Variants in ICA1 observed in about 807,000 individuals in gnomAD.
ICA1 encodes the protein 69 kDa islet cell autoantigen.
Under a neutral mutation model 71.0 loss-of-function variants are expected in ICA1, and 40 were observed. The ratio of observed to expected loss-of-function variants is 0.56; its 90% CI spans 0.44 to 0.73. The LOEUF (loss-of-function observed/expected upper bound fraction) is 0.73, where lower values mean the gene tolerates loss of function less well. Among genes scored for constraint, ICA1 ranks in the 30% least tolerant of loss-of-function variants. ICA1 has a pLI of 0.00. For synonymous variants in ICA1, 207 were observed against 209.5 expected (o/e 0.99, Z 0.10); for missense variants, 578 against 576.5 (o/e 1.00, Z -0.03).
chr7:8,114,987 G>A (rs545352723), intron 13 of ICA1: 1 of 152,264 alleles, frequency 6.6e-6, no homozygotes, highest in African/African-American at 2.4e-5. Context: ...AGGAAGTGTT[G>A]GTAGGACAAG....
intron 13 of ICA1, among the ~76,000 whole-genome samples, chr7:8,120,300 A>G (rs1318158852): frequency 6.6e-6 from 1 of 152,236 alleles, no homozygotes. Flanking sequence ...TAGTATGTCT[A>G]TGACACCGAC....
chr7:8,189,096 C>G (rs991356254), intron 6 of ICA1, among the ~76,000 whole-genome samples: 25 of 152,150 alleles, frequency 1.6e-4, no homozygotes, highest in Admixed American at 8.5e-4. Flanking sequence ...GAACCCAGTG[C>G]CCATTGCAAT....
intron 3 of ICA1, among the ~76,000 whole-genome samples, chr7:8,232,070 T>C (rs11976146): frequency 0.16 from 24,110 of 152,156 alleles, 4,131 homozygotes; most frequent in African/African-American, 0.43. Context: ...GGGAGTTAGT[T>C]AGTGGGCCTT....
intron 6 of ICA1, among the ~76,000 whole-genome samples, chr7:8,182,852 A>G (rs1022541954): frequency 3.3e-5 from 5 of 152,200 alleles, no homozygotes; most frequent in Non-Finnish European, 7.3e-5. Context: ...TAAGGTTGGC[A>G]GTGTAAATGA....
rs1294622800 is a variant in ICA1, at chr7:8,173,841, G to A, written c.580-15189C>T. 6.6e-6 allele frequency among the ~76,000 whole-genome samples: 1 copy of A among 151,888 alleles called. No individual in the cohort carries two copies. Among genetic ancestry groups the A allele is most frequent in the African/African-American group, 2.4e-5 (1 of 41,340 alleles). Reference sequence around the variant, plus strand: ...ATATAATTGAACACCTATAGCTCTCGGTGCTGGAGATAAGCAGAGAATAAA... The same window carrying A: ...ATATAATTGAACACCTATAGCTCTCAGTGCTGGAGATAAGCAGAGAATAAA... On this transcript the variant is annotated intron_variant, in intron 6 of 13. Coordinates refer to ENST00000402384, the MANE Select transcript of ICA1 (RefSeq NM_001136020.3). The surrounding 1 kb of genome is among the most constrained non-coding windows in gnomAD (Gnocchi z 4.0).
chr7:8,184,867 G>C (rs1018493364), intron 6 of ICA1, among the ~76,000 whole-genome samples: 1 of 152,158 alleles, frequency 6.6e-6, no homozygotes, highest in East Asian at 1.9e-4. Flanking sequence ...TTGAGGTCAG[G>C]AGTTTGAGAC....
chr7:8,228,125 CAG>C (rs1197283279), intron 4 of ICA1, among the ~76,000 whole-genome samples: 2 of 152,080 alleles, frequency 1.3e-5, no homozygotes, highest in Non-Finnish European at 2.9e-5. Context: ...GCTTTTAAAA[CAG>C]TGTGACTATA....
chr7:8,201,674 TG>T (rs1365979669), intron 6 of ICA1, among the ~76,000 whole-genome samples: 5 of 152,310 alleles, frequency 3.3e-5, no homozygotes, highest in Middle Eastern at 3.4e-3. Flanking sequence ...CATAAGCTTT[TG>T]TGGTATGGAG....
intron 6 of ICA1, among the ~76,000 whole-genome samples, chr7:8,198,538 T>C (rs1334897037): frequency 6.6e-6 from 1 of 152,158 alleles, no homozygotes; most frequent in African/African-American, 2.4e-5. Context: ...TCAGTCACAC[T>C]GGGGTATGTG....
intron 6 of ICA1, among the ~76,000 whole-genome samples, chr7:8,178,458 A>T (rs1781246540): frequency 6.6e-6 from 1 of 152,206 alleles, no homozygotes; most frequent in African/African-American, 2.4e-5. Flanking sequence ...AGGTGCTAAA[A>T]ATGCTAGTCA....
intron 9 of ICA1, 53 bp downstream of exon 9, chr7:8,143,822 A>G (rs1038490938): frequency 5.0e-6 from 6 of 1,192,110 alleles, no homozygotes; most frequent in Middle Eastern, 1.9e-4. Context: ...CGAGAACCAC[A>G]TAACTCTCAC....
intron 1 of ICA1, among the ~76,000 whole-genome samples, chr7:8,249,433 C>G (rs1216818283): frequency 1.3e-5 from 2 of 152,186 alleles, no homozygotes; most frequent in Non-Finnish European, 2.9e-5. Context: ...AGGGGCCAGC[C>G]TCTGAAGCAC....
At chr7:8,129,353 T>C (rs751080394) in intron 12 of ICA1, among the ~76,000 whole-genome samples, 1 of 151,782 alleles carries the variant, frequency 6.6e-6, no homozygotes, top group Non-Finnish European at 1.5e-5. Context: ...TATAAGATAA[T>C]TAGTAAGTAA....
At chr7:8,194,744 G>A (rs1184030182) in intron 6 of ICA1, among the ~76,000 whole-genome samples, 1 of 152,084 alleles carries the variant, frequency 6.6e-6, no homozygotes, top group East Asian at 1.9e-4. Flanking sequence ...AAAATATTGG[G>A]CTATTGTCGT....
chr7:8,232,336 A>T (rs918321022), intron 3 of ICA1, among the ~76,000 whole-genome samples: 1 of 152,208 alleles, frequency 6.6e-6, no homozygotes, highest in Non-Finnish European at 1.5e-5. Context: ...TCCTTTTCCC[A>T]AGAAACGCTT....
chr7:8,136,787 G>T (rs1414536936), intron 12 of ICA1, among the ~76,000 whole-genome samples: 2 of 152,172 alleles, frequency 1.3e-5, no homozygotes, highest in South Asian at 4.1e-4. Flanking sequence ...CTCAAAAAAG[G>T]GGGTATGGAC....
At chr7:8,175,480 T>C (rs1369460764) in intron 6 of ICA1, among the ~76,000 whole-genome samples, 1 of 152,156 alleles carries the variant, frequency 6.6e-6, no homozygotes, top group Admixed American at 6.5e-5. Context: ...ATCATCCAGA[T>C]AATACTCCCT....
chr7:8,231,722 G>A (rs7796000), intron 3 of ICA1, among the ~76,000 whole-genome samples: 10,032 of 152,002 alleles, frequency 0.066, 1,053 homozygotes, highest in African/African-American at 0.23. Flanking sequence ...GTTCTTCCTG[G>A]GTCTGGTCTA....
chr7:8,146,356 G>C (rs1796889951), intron 8 of ICA1, among the ~76,000 whole-genome samples: 1 of 152,194 alleles, frequency 6.6e-6, no homozygotes, highest in Non-Finnish European at 1.5e-5. Context: ...GGTAGGAATA[G>C]CTTGGTTTGT....
Sources: gnomAD v4.1 joint callset for allele counts (sites outside exome capture counted in the v4.1 genomes callset) on GRCh38, gnomAD v4.1.1 for gene constraint, Gnocchi (gnomAD v3.1) non-coding constraint, MANE v1.5 for transcripts, NCBI Gene and HGNC (gene_info 2026-07-23, HGNC 2026-07-21) for gene names.